B4GALT3: variants seen among roughly 807,000 people sequenced by gnomAD.
The protein encoded by B4GALT3 is beta-1,4-galactosyltransferase 3.
A neutral mutation model predicts 40.7 loss-of-function variants in B4GALT3; 29 were observed. The observed-to-expected ratio is 0.71, with a 90% CI of 0.53 to 0.97. B4GALT3 has a LOEUF of 0.97. B4GALT3 is among the 50% of genes least tolerant of loss of function. The pLI, the probability that B4GALT3 is intolerant of heterozygous loss-of-function variation, is 0.00. For missense variants in B4GALT3, 390 were observed against 522.3 expected (o/e 0.75, Z 2.47); for synonymous variants, 182 against 203.9 (o/e 0.89, Z 0.92).
At chr1:161,177,122 G>A (rs1571547379) in intron 1 of B4GALT3, 1 of 1,505,738 alleles carries the variant, frequency 6.6e-7, no homozygotes, top group African/African-American at 1.4e-5. Flanking sequence ...GAGAAAGGGA[G>A]AGGGAGAGCA....
At chr1:161,175,356 A>G in intron 3 of B4GALT3, 128 bp from the exon 4 acceptor site, 1 of 813,766 alleles carries the variant, frequency 1.2e-6, no homozygotes, top group Non-Finnish European at 1.9e-6. Context: ...TCACTCAGAA[A>G]TCTCGCATGC....
chr1:161,176,985 G>C (rs750168135), intron 1 of B4GALT3: 1 of 1,536,112 alleles, frequency 6.5e-7, no homozygotes, highest in South Asian at 1.2e-5. Flanking sequence ...TGCAGGGACC[G>C]TGACCACCTG....
chr1:161,176,099 G>C, intron 2 of B4GALT3, 25 bp from the exon 3 acceptor site: 1 of 1,609,952 alleles, frequency 6.2e-7, no homozygotes, highest in South Asian at 1.1e-5. Flanking sequence ...GGGAATTCTG[G>C]GGGTAGGCAG....
In B4GALT3 at chr1:161,172,094, G is replaced by A; in HGVS notation, c.909-5C>T. On this transcript the variant is annotated splice_polypyrimidine_tract_variant and splice_region_variant and intron_variant, in intron 7 of 7. Coordinates refer to ENST00000319769, the MANE Select transcript of B4GALT3 (RefSeq NM_003779.4). ...GTACGGACCAGGAGGTCAAATCTGA[G>A]GGTTAGAGGTTGGAGACTAAGACCC... The A allele has an allele frequency of 6.2e-7, 1 of 1,614,080 alleles. No individual in the cohort carries two copies. The highest frequency in any genetic ancestry group is 8.5e-7 in the Non-Finnish European group (1 of 1,179,950).
chr1:161,174,722 G>C (rs898042806), intron 4 of B4GALT3, among the ~76,000 whole-genome samples: 1 of 152,158 alleles, frequency 6.6e-6, no homozygotes, highest in Non-Finnish European at 1.5e-5. Context: ...TAGAATTTTA[G>C]CCCTATTGTG....
rs1661499640 is a variant in B4GALT3, at chr1:161,171,737, G to A, written c.*79C>T. The A allele has an allele frequency of 4.5e-6, 7 of 1,547,634 alleles. No homozygotes were observed. The South Asian group carries it at 7.1e-5, about 16-fold the overall frequency. ...GTTCAGTTCCCTCACATCCCTCTGA[G>A]AACAGTGAGGAGCTGAGGGTGGGGA... On this transcript the variant is annotated 3_prime_UTR_variant, in exon 8 of 8. Transcript: ENST00000319769.
chr1:161,176,580 C>A lies in B4GALT3; in HGVS notation c.-160-1G>T. The A allele has an allele frequency of 4.0e-6, 2 of 504,532 alleles. No homozygotes were observed. 31.3% of individuals were successfully genotyped at this position (504,532 alleles called of 1,614,324 possible). ...ACTCCAGCAGCGAATCTGGGACCAG[C>A]TGGAACAGAAGTGGTAAAGGATAAC... On this transcript the variant is annotated splice_acceptor_variant, in intron 1 of 7. Coordinates refer to ENST00000319769, the MANE Select transcript of B4GALT3 (RefSeq NM_003779.4). LOFTEE classifies it low-confidence loss of function (5UTR_SPLICE).
intron 6 of B4GALT3, 109 bp downstream of exon 6, chr1:161,173,479 AAGGAATGGGCTCAGTGC>A: frequency 7.3e-7 from 1 of 1,370,340 alleles, no homozygotes; most frequent in Non-Finnish European, 1.0e-6. Context: ...GACTAAGGGA[AAGGAATGGGCTCAGTGC>A]AGGACCAGGG....
Position 161,175,132 on chromosome 1 carries a change from GC to G in B4GALT3, c.349del (p.Ala117GlnfsTer59), listed in dbSNP as rs1449835522. The G allele has an allele frequency of 2.5e-6, 4 of 1,613,924 alleles. No individual in the cohort carries two copies. The highest frequency in any genetic ancestry group is 3.4e-6 in the Non-Finnish European group (4 of 1,179,946). ...TGTTCGGGAGCGGGGCTCACAACCT[GC>G]AGGGCGGTACCGGCCCCCTGGTTCT... is the stretch of plus-strand genomic sequence containing the variant. ...RVEPGGRYRPAGCEPRSRTAI... is the reference protein window; with the variant it reads ...RVEPGGRYRPXGCEPRSRTAI... On this transcript the variant is annotated frameshift_variant, in exon 4 of 8. Coordinates refer to ENST00000319769, the MANE Select transcript of B4GALT3 (RefSeq NM_003779.4). LOFTEE classifies it high-confidence loss of function.
In B4GALT3 at chr1:161,172,284, C is replaced by G; in HGVS notation, c.851G>C (p.Gly284Ala). The change falls in exon 7 of 8, where the codon GGA (glycine) becomes GCA (alanine). Residue 284 changes from glycine (G) to alanine (A), a missense_variant. By Grantham distance (60) the Gly-to-Ala change is moderately conservative. Transcript: ENST00000319769. ...MKISRPPTSVGHYKMVKHRGD... is the reference protein window; with the variant it reads ...MKISRPPTSVAHYKMVKHRGD... ...TCGGTGCTTCACCATCTTATAGTGT[C>G]CTACAGATGTGGGGGGCCGAGAGAT... is the stretch of plus-strand genomic sequence containing the variant. The G allele has an allele frequency of 6.2e-7, 1 of 1,614,078 alleles. No homozygotes were observed. Among genetic ancestry groups the G allele is most frequent in the African/African-American group, 1.3e-5 (1 of 74,994 alleles).
chr1:161,176,425 T>TA lies in B4GALT3; in HGVS notation c.-15+8dup. 2.6e-6 allele frequency: 1 copy of TA among 388,782 alleles called. No homozygotes were observed. The highest frequency in any genetic ancestry group is 2.9e-5 in the South Asian group (1 of 34,426). 24.1% of individuals were successfully genotyped at this position (388,782 alleles called of 1,614,324 possible). On this transcript the variant is annotated intron_variant, in intron 2 of 7. Coordinates refer to ENST00000319769, the MANE Select transcript of B4GALT3 (RefSeq NM_003779.4). ...TCTTCCAATTTTAGAAGGGAAGAGA[T>TA]AGACTCACCTAGGTTCAAGCTGTCT... is the stretch of plus-strand genomic sequence containing the variant.
chr1:161,175,109 T>C lies in B4GALT3; in HGVS notation c.373A>G (p.Thr125Ala). 1 of 1,613,940 alleles carries C rather than the reference T, an allele frequency of 6.2e-7. No individual in the cohort carries two copies. The highest frequency in any genetic ancestry group is 8.5e-7 in the Non-Finnish European group (1 of 1,179,842). The change falls in exon 4 of 8, where the codon ACA becomes GCA. Residue 125 changes from threonine (T) to alanine (A), a missense_variant. Transcript: ENST00000319769. ...GCACGATGAGGCACAATGATGGCTG[T>C]TCGGGAGCGGGGCTCACAACCTGCA... ...RPAGCEPRSR[T>A]AIIVPHRARE...
At chr1:161,174,235 A>T (rs763522187) in intron 4 of B4GALT3, among the ~76,000 whole-genome samples, 186 bp from the exon 5 acceptor site, 23 of 152,080 alleles carry the variant, frequency 1.5e-4, no homozygotes, top group Admixed American at 1.4e-3. Context: ...GTAAAACCCC[A>T]TCTCTACTAA....
chr1:161,177,267 A>C, intron 1 of B4GALT3, 156 bp downstream of exon 1: 1 of 599,546 alleles, frequency 1.7e-6, no homozygotes, highest in Non-Finnish European at 2.9e-6. Context: ...CCTACCTACT[A>C]GCAACGTGAG....
chr1:161,175,288 A>G, intron 3 of B4GALT3, 60 bp from the exon 4 acceptor site: 1 of 1,475,568 alleles, frequency 6.8e-7, no homozygotes, highest in South Asian at 1.2e-5. Flanking sequence ...GAATCAAACT[A>G]GGGTTTGGGA....
chr1:161,171,702 C>G lies in B4GALT3; in HGVS notation c.*114G>C. On this transcript the variant is annotated 3_prime_UTR_variant, in exon 8 of 8. Coordinates refer to ENST00000319769, the MANE Select transcript of B4GALT3 (RefSeq NM_003779.4). ...AGGGAGAGGCCCCTACCCCCTAGCA[C>G]GGCACCAGAGTTCAGTTCCCTCACA... is the stretch of plus-strand genomic sequence containing the variant. 6.9e-7 allele frequency: 1 copy of G among 1,441,818 alleles called. No homozygotes were observed. The highest frequency in any genetic ancestry group is 9.4e-7 in the Non-Finnish European group (1 of 1,061,414). 89.3% of individuals were successfully genotyped at this position (1,441,818 alleles called of 1,614,324 possible). A position where few individuals can be genotyped will look rare whatever the true frequency, so the allele number is the denominator to read the frequency against.
At chr1:161,174,816 A>G in intron 4 of B4GALT3, 177 bp downstream of exon 4, 1 of 650,790 alleles carries the variant, frequency 1.5e-6, no homozygotes, top group South Asian at 2.0e-5. Flanking sequence ...TAAGCAGATT[A>G]AGGAAAAGTA....
At chr1:161,175,705 T>C (rs963641104) in intron 3 of B4GALT3, 103 bp downstream of exon 3, 19 of 1,513,710 alleles carry the variant, frequency 1.3e-5, no homozygotes, top group Non-Finnish European at 1.7e-5. Context: ...CTACCTATCC[T>C]CTTCTAAGTT....
In B4GALT3 at chr1:161,171,666, G is replaced by A; in HGVS notation, c.*150C>T. ...TCAGGTCTACAGGAGCCCAGCTCCA[G>A]TCCAGCAGTGAGGGAGAGGCCCCTA... On this transcript the variant is annotated 3_prime_UTR_variant, in exon 8 of 8. Coordinates refer to ENST00000319769, the MANE Select transcript of B4GALT3 (RefSeq NM_003779.4). 8.8e-7 allele frequency: 1 copy of A among 1,135,446 alleles called. No homozygotes were observed. The highest frequency in any genetic ancestry group is 1.2e-6 in the Non-Finnish European group (1 of 809,716). The allele number at this position is 1,135,446 out of a possible 1,614,324, so 70.3% of individuals were successfully genotyped here.
Sources: gnomAD v4.1 joint callset for allele counts (sites outside exome capture counted in the v4.1 genomes callset) on GRCh38, gnomAD v4.1.1 for gene constraint, MANE v1.5 for transcripts, NCBI Gene and HGNC (gene_info 2026-07-23, HGNC 2026-07-21) for gene names.